Variants in IMPG1 observed in about 807,000 individuals in gnomAD.
IMPG1 encodes the protein interphotoreceptor matrix proteoglycan of 150 kDa.
Under a neutral mutation model 92.0 loss-of-function variants are expected in IMPG1, and 85 were observed. That is an observed-to-expected ratio of 0.92 (90% CI 0.78 to 1.11). The LOEUF (loss-of-function observed/expected upper bound fraction) is 1.11, where lower values mean the gene tolerates loss of function less well. IMPG1 is among the 50% of genes least tolerant of loss of function. The pLI is 0.00. For missense variants in IMPG1, 1,022 were observed against 956.0 expected, an observed-to-expected ratio of 1.07 and a Z score of -0.91; for synonymous variants, 367 against 334.1, an observed-to-expected ratio of 1.10 and a Z score of -1.08.
At chr6:76,031,896 C>T (rs1783658282) in intron 4 of IMPG1, among the ~76,000 whole-genome samples, 1 of 152,204 alleles carries the variant, frequency 6.6e-6, no homozygotes, top group African/African-American at 2.4e-5. Flanking sequence ...CATTCTGCCA[C>T]TAAACTGGCA....
At chr6:76,022,344 A>C in intron 5 of IMPG1, 125 bp from the exon 6 acceptor site, 1 of 472,398 alleles carries the variant, frequency 2.1e-6, no homozygotes, top group South Asian at 2.0e-5. Context: ...TGCCTTCTGA[A>C]CTCATCTTTT....
chr6:75,939,054 G>A (rs1048895240), intron 14 of IMPG1, among the ~76,000 whole-genome samples: 1 of 152,120 alleles, frequency 6.6e-6, no homozygotes, highest in Non-Finnish European at 1.5e-5. Flanking sequence ...GCCCAGGCTG[G>A]TCTTGAACCC....
chr6:75,998,200 A>C (rs16887038), intron 12 of IMPG1, among the ~76,000 whole-genome samples: 5 of 152,232 alleles, frequency 3.3e-5, no homozygotes, highest in Non-Finnish European at 5.9e-5. Context: ...AAAGGGAACT[A>C]GATTATTCCA....
rs750333915 is a variant in IMPG1, at chr6:76,022,239, TAA to T, written c.563-22_563-21del. 9 of 1,400,214 alleles carry T rather than the reference TAA, an allele frequency of 6.4e-6. No individual in the cohort carries two copies. The East Asian group carries it at 1.9e-4, about 30-fold the overall frequency. The allele number at this position is 1,400,214 out of a possible 1,614,324, so 86.7% of individuals were successfully genotyped here. A position where few individuals can be genotyped will look rare whatever the true frequency, so the allele number is the denominator to read the frequency against. ...CAACATCTGTGAAAATTTTAAAAAT[TAA>T]AGACACAAAAATGAGAATGGAGGAG... On this transcript the variant is annotated intron_variant, in intron 5 of 16. Coordinates refer to ENST00000369950, the MANE Select transcript of IMPG1 (RefSeq NM_001563.4).
At chr6:76,045,481 T>A (rs1582127453) in intron 1 of IMPG1, among the ~76,000 whole-genome samples, 1 of 140,860 alleles carries the variant, frequency 7.1e-6, no homozygotes, top group Non-Finnish European at 1.5e-5. Context: ...AAATATTAGA[T>A]ACCTTGACTA....
chr6:75,977,952 G>T (rs1355974248), intron 12 of IMPG1, among the ~76,000 whole-genome samples: 2 of 151,980 alleles, frequency 1.3e-5, no homozygotes, highest in South Asian at 2.1e-4. Flanking sequence ...ATGGGGTCTT[G>T]CTTTGTTGCC....
chr6:75,994,678 G>A (rs191757144), intron 12 of IMPG1, among the ~76,000 whole-genome samples: 12 of 152,244 alleles, frequency 7.9e-5, no homozygotes, highest in South Asian at 4.1e-4. Context: ...AGAACAGCAC[G>A]GGAAAGACCC....
At chr6:75,970,261 G>C (rs1310509570) in intron 12 of IMPG1, among the ~76,000 whole-genome samples, 2 of 152,000 alleles carry the variant, frequency 1.3e-5, no homozygotes, top group South Asian at 2.1e-4. Context: ...GTAATTAAGA[G>C]AGGCAGCCCA....
intron 12 of IMPG1, among the ~76,000 whole-genome samples, chr6:75,975,672 C>T (rs1335377303): frequency 2.0e-5 from 3 of 152,152 alleles, no homozygotes; most frequent in Non-Finnish European, 4.4e-5. Flanking sequence ...TGGATTTTAA[C>T]CAGTTTTGCA....
chr6:75,965,740 C>T (rs534285059), intron 12 of IMPG1, among the ~76,000 whole-genome samples: 29 of 151,380 alleles, frequency 1.9e-4, no homozygotes, highest in East Asian at 7.8e-4. Context: ...CCTGAGTAGC[C>T]GGGACTACAG....
intron 8 of IMPG1, among the ~76,000 whole-genome samples, chr6:76,010,345 G>T (rs1369971125): frequency 6.6e-6 from 1 of 152,186 alleles, no homozygotes; most frequent in Non-Finnish European, 1.5e-5. Flanking sequence ...TATTTACCCT[G>T]TGGCACATTT....
intron 12 of IMPG1, among the ~76,000 whole-genome samples, chr6:75,992,719 A>T (rs1782833030): frequency 6.6e-6 from 1 of 152,054 alleles, no homozygotes; most frequent in Non-Finnish European, 1.5e-5. Context: ...GCCCTGCTTG[A>T]TATATATCCT....
chr6:76,007,779 T>A (rs1783122668), intron 8 of IMPG1, among the ~76,000 whole-genome samples: 1 of 152,198 alleles, frequency 6.6e-6, no homozygotes, highest in African/African-American at 2.4e-5. Context: ...TTGGTCTTCT[T>A]CTTACATTCC....
At chr6:76,031,632 A>G (rs544005823) in intron 4 of IMPG1, among the ~76,000 whole-genome samples, 1 of 152,382 alleles carries the variant, frequency 6.6e-6, no homozygotes, top group African/African-American at 2.4e-5. Flanking sequence ...ACCATATTTA[A>G]CAACTCTCGT....
chr6:75,998,293 A>G (rs933352353), intron 12 of IMPG1, among the ~76,000 whole-genome samples: 3 of 152,240 alleles, frequency 2.0e-5, no homozygotes, highest in African/African-American at 7.2e-5. Context: ...ATTAATTTTT[A>G]ATATAGCATC....
chr6:76,025,490 G>A (rs550604776), intron 4 of IMPG1, among the ~76,000 whole-genome samples: 18 of 152,190 alleles, frequency 1.2e-4, no homozygotes, highest in Admixed American at 2.6e-4. Flanking sequence ...AGTGTTTTCC[G>A]TAAGCATCCT....
At chr6:75,963,542 C>T (rs904792638) in intron 12 of IMPG1, among the ~76,000 whole-genome samples, 4 of 152,130 alleles carry the variant, frequency 2.6e-5, no homozygotes, top group East Asian at 1.9e-4. Flanking sequence ...CAGAGTTAGA[C>T]GCTCCAAAAG....
intron 2 of IMPG1, among the ~76,000 whole-genome samples, chr6:76,040,942 A>T (rs1582124371): frequency 6.6e-6 from 1 of 152,198 alleles, no homozygotes; most frequent in Non-Finnish European, 1.5e-5. Context: ...AGCTTGCTCC[A>T]GTAGATGGGC....
chr6:76,054,596 T>C (rs78215068), intron 1 of IMPG1, among the ~76,000 whole-genome samples: 3,952 of 152,246 alleles, frequency 0.026, 146 homozygotes, highest in African/African-American at 0.087. Flanking sequence ...AAAGCTGATA[T>C]ATTAAAATCA....
Sources: allele counts gnomAD v4.1 joint callset (sites outside exome capture counted in the v4.1 genomes callset), GRCh38; gene constraint gnomAD v4.1.1; transcripts MANE v1.5; gene names NCBI Gene and HGNC (gene_info 2026-07-23, HGNC 2026-07-21).